NBPF9: variants seen among roughly 807,000 people sequenced by gnomAD.
NBPF9 encodes the protein NBPF family member NBPF9.
Under a neutral mutation model 97.8 loss-of-function variants are expected in NBPF9, and 91 were observed. The ratio of observed to expected loss-of-function variants is 0.93; its 90% confidence interval spans 0.79 to 1.11. The LOEUF (loss-of-function observed/expected upper bound fraction) is 1.11, where lower values mean the gene tolerates loss of function less well. NBPF9 is among the 50% of genes least tolerant of loss of function. The pLI, the probability that NBPF9 is intolerant of heterozygous loss-of-function variation, is 0.00. For missense variants in NBPF9, 992 were observed against 939.5 expected (o/e 1.06, Z -0.73); for synonymous variants, 334 against 359.5 (o/e 0.93, Z 0.80).
intron 16 of NBPF9, 98 bp downstream of exon 16, chr1:149,070,836 T>A (rs2079348027): frequency 1.4e-6 from 2 of 1,414,478 alleles, no homozygotes; most frequent in Non-Finnish European, 1.0e-6. Flanking sequence ...CCATCACAGT[T>A]TTTTATTCAA....
At chr1:149,073,644 G>C (rs879962311) in intron 13 of NBPF9, 124 bp downstream of exon 13, 39 of 754,642 alleles carry the variant, frequency 5.2e-5, no homozygotes, top group Non-Finnish European at 7.7e-5. Context: ...TGTGTAGCGA[G>C]CCTGCCATGG....
In NBPF9 at chr1:149,068,150, C is replaced by T. The variant is rs1279469032; in HGVS notation, c.1637+1444G>A. Among the ~76,000 whole-genome samples the T allele has an allele frequency of 5.2e-4, 78 of 148,720 alleles. No individual in the cohort carries two copies. In the Middle Eastern group the frequency reaches 0.01, roughly 20 times the overall value. ...AGCACTAAACATGGAAAGGAACAAC[C>T]GGTACCAGCCACTGCAAAAACATGC... On this transcript the variant is annotated intron_variant, in intron 17 of 29. Coordinates refer to ENST00000584027, the Ensembl canonical transcript of NBPF9.
intron 29 of NBPF9, 96 bp downstream of exon 29, chr1:149,056,416 G>A (rs1332923154): frequency 3.8e-5 from 6 of 156,034 alleles, no homozygotes; most frequent in South Asian, 1.1e-4. Flanking sequence ...TTCAGCCTTC[G>A]TTGAAAACAT....
chr1:149,087,898 T>C (rs2081144134), intron 5 of NBPF9, among the ~76,000 whole-genome samples: 2 of 144,904 alleles, frequency 1.4e-5, no homozygotes, highest in African/African-American at 5.2e-5. Flanking sequence ...AGTGATGCGA[T>C]CTCGGCTCAC....
At chr1:149,055,662 T>C (rs782670808) in exon 30 of NBPF9, 3 of 1,611,752 alleles carry the variant, frequency 1.9e-6, no homozygotes, top group Non-Finnish European at 8.5e-7. Context: ...CTGCTTATTG[T>C]GGGAATATGA....
At chr1:149,088,054 A>C (rs1553659137) in intron 5 of NBPF9, among the ~76,000 whole-genome samples, 2 of 151,896 alleles carry the variant, frequency 1.3e-5, no homozygotes, top group African/African-American at 4.8e-5. Context: ...GATGGTCTCC[A>C]TCTCCTGACC....
At chr1:149,085,759 C>G (rs1374150761) in intron 5 of NBPF9, among the ~76,000 whole-genome samples, 1 of 151,234 alleles carries the variant, frequency 6.6e-6, no homozygotes, top group Non-Finnish European at 1.5e-5. Flanking sequence ...ATGAAAACAA[C>G]TTTATAAAGG....
chr1:149,099,234 A>G (rs2081988114), intron 3 of NBPF9, among the ~76,000 whole-genome samples: 1 of 152,246 alleles, frequency 6.6e-6, no homozygotes, highest in South Asian at 2.1e-4. Flanking sequence ...CTGTACACGT[A>G]TATTCTACAG....
rs587724761 is a variant in NBPF9 at position 149,071,500 on chromosome 1, C to T, written c.1379+104G>A. On this transcript the variant is annotated intron_variant, in intron 15 of 29. Coordinates refer to ENST00000584027, the Ensembl canonical transcript of NBPF9. ...TTCAATTTCACATACTGTGGCCAAGCGAATGCGGGTTTTTGGCCCATCATA... is the reference window on the plus strand; with the variant it reads ...TTCAATTTCACATACTGTGGCCAAGTGAATGCGGGTTTTTGGCCCATCATA... 9.0e-5 allele frequency: 106 copies of T among 1,175,792 alleles called. 4 individuals carry two copies. Among genetic ancestry groups the T allele is most frequent in the African/African-American group, 7.4e-4 (46 of 61,864 alleles). The allele number at this position is 1,175,792 out of a possible 1,614,324, so 72.8% of individuals were successfully genotyped here. A position where few individuals can be genotyped will look rare whatever the true frequency, so the allele number is the denominator to read the frequency against.
intron 19 of NBPF9, among the ~76,000 whole-genome samples, chr1:149,064,031 C>CACACAT (rs2078846891): frequency 8.0e-6 from 1 of 125,286 alleles, no homozygotes; most frequent in Non-Finnish European, 1.8e-5. Context: ...CACACACACA[C>CACACAT]ACACACAGAG....
chr1:149,076,512 T>A (rs1359348319), intron 11 of NBPF9, among the ~76,000 whole-genome samples: 2 of 149,384 alleles, frequency 1.3e-5, no homozygotes, highest in African/African-American at 2.4e-5. Context: ...TTTATTTTTT[T>A]TTTTTTTTGA....
At chr1:149,062,096 C>G in exon 22 of NBPF9, 1 of 1,193,848 alleles carries the variant, frequency 8.4e-7, no homozygotes, top group Non-Finnish European at 1.2e-6. Context: ...TACTCACTGT[C>G]CAAGTCAAGA....
At chr1:149,079,206 C>A (rs782028688) in exon 9 of NBPF9, 3 of 937,130 alleles carry the variant, frequency 3.2e-6, no homozygotes, top group Admixed American at 1.7e-5. Flanking sequence ...GAGAGTGAAC[C>A]AGGACTTTAT....
Position 149,062,284 on chromosome 1 carries a change from G to C in NBPF9, c.2079-19C>G. 1.5e-6 allele frequency: 1 copy of C among 653,562 alleles called. No homozygotes were observed. The highest frequency in any genetic ancestry group is 2.7e-6 in the Non-Finnish European group (1 of 364,180). 40.5% of individuals were successfully genotyped at this position (653,562 alleles called of 1,614,324 possible). On this transcript the variant is annotated intron_variant, in intron 21 of 29. Coordinates refer to ENST00000584027, the Ensembl canonical transcript of NBPF9. ...GCTGAGCCTGGAAAAGTAGGAAAAA[G>C]TAAAGAATAAGCCAGGGGGAATCAG...
chr1:149,055,583 C>A, exon 30 of NBPF9: 1 of 1,441,334 alleles, frequency 6.9e-7, no homozygotes, highest in Non-Finnish European at 9.5e-7. Flanking sequence ...TGGAACTGTA[C>A]TTTCATTCAA....
At chr1:149,101,674 A>T (rs1441509001) in intron 2 of NBPF9, among the ~76,000 whole-genome samples, 5 of 150,886 alleles carry the variant, frequency 3.3e-5, no homozygotes, top group Admixed American at 6.6e-5. Flanking sequence ...CTGATACATT[A>T]CTGCACCCCT....
downstream of NBPF9, among the ~76,000 whole-genome samples, chr1:149,052,717 TTGG>T (rs1412837949): frequency 1.3e-5 from 2 of 150,658 alleles, no homozygotes; most frequent in African/African-American, 4.9e-5. Context: ...AGCCATGAGA[TTGG>T]TGAAGCCAGC....
chr1:149,080,481 T>C (rs1483968747), intron 7 of NBPF9, among the ~76,000 whole-genome samples: 5 of 150,574 alleles, frequency 3.3e-5, no homozygotes, highest in Non-Finnish European at 7.4e-5. Context: ...TTGCAGCCTC[T>C]CCTCTAAAAC....
chr1:149,084,922 G>A lies in NBPF9; in HGVS notation c.-194-2492C>T, dbSNP rs587645362. Among the ~76,000 whole-genome samples the A allele has an allele frequency of 1.9e-4, 29 of 151,434 alleles. 1 individual carries two copies. Among genetic ancestry groups the A allele is most frequent in the Admixed American group, 1.3e-4 (2 of 15,184 alleles). ...TCATTGTCACCATGACTGCCAAGAC[G>A]CTAGGCCTGCTGATGGGCAAAGAAG... On this transcript the variant is annotated intron_variant, in intron 5 of 29. Coordinates refer to ENST00000584027, the Ensembl canonical transcript of NBPF9.
Sources: allele counts gnomAD v4.1 joint callset (sites outside exome capture counted in the v4.1 genomes callset), GRCh38; gene constraint gnomAD v4.1.1; transcripts MANE v1.5; gene names NCBI Gene and HGNC (gene_info 2026-07-23, HGNC 2026-07-21).